TUSC3: variants seen among roughly 807,000 people sequenced by gnomAD.
TUSC3 encodes tumor suppressor candidate 3.
In TUSC3, 45 loss-of-function variants were observed where a neutral mutation model predicts 44.8. The ratio of observed to expected loss-of-function variants is 1.00; its 90% confidence interval spans 0.79 to 1.29. TUSC3 has a LOEUF of 1.29. TUSC3 is among the 50% of genes most tolerant of loss of function. TUSC3 has a pLI of 0.00. For synonymous variants in TUSC3, 212 were observed against 152.9 expected, an observed-to-expected ratio of 1.39 and a Z score of -2.85; for missense variants, 519 against 437.9, an observed-to-expected ratio of 1.19 and a Z score of -1.65.
At position 15,540,480 on chromosome 8, in the gene TUSC3, T is replaced by A. The variant is rs1303195567; in HGVS notation, c.50T>A (p.Leu17Gln). Residue 17 changes from leucine to glutamine, a missense_variant, in exon 1 of 11, where the codon CTG (leucine) becomes CAG (glutamine). Leu to Gln is a moderately radical substitution (Grantham distance 113). Coordinates refer to ENST00000503731, the MANE Select transcript of TUSC3 (RefSeq NM_006765.4). Reference sequence around the variant, plus strand: ...CGCCGTAGGCAAGCGGGGCGGCGGCTGCGGTACCTGCCCACCGGGAGCTTT... The same window carrying A: ...CGCCGTAGGCAAGCGGGGCGGCGGCAGCGGTACCTGCCCACCGGGAGCTTT... ...PSRRRQAGRR[L>Q]RYLPTGSFPF... 1 of 1,607,914 alleles carries A rather than the reference T, an allele frequency of 6.2e-7. No homozygotes were observed.
chr8:15,524,452 C>A (rs976573757), intron 2 of TUSC3, among the ~76,000 whole-genome samples: 4 of 152,086 alleles, frequency 2.6e-5, no homozygotes, highest in African/African-American at 9.7e-5. Flanking sequence ...TAACGTCTTA[C>A]ATTTCCATAA....
At chr8:15,458,724 T>C (rs1800298223) in intron 1 of TUSC3, among the ~76,000 whole-genome samples, 2 of 152,158 alleles carry the variant, frequency 1.3e-5, no homozygotes, top group South Asian at 4.1e-4. Flanking sequence ...TGAACTAATT[T>C]TTCATAGAGT....
At chr8:15,503,410 T>A (rs2410275) in intron 2 of TUSC3, among the ~76,000 whole-genome samples, 127,731 of 152,092 alleles carry the variant, frequency 0.84, 53,823 homozygotes, top group Admixed American at 0.89. Context: ...AACTAATACT[T>A]GACATACTTT....
At chr8:15,830,008 T>A in the TUSC3 span, among the ~76,000 whole-genome samples, 70,511 of 152,026 alleles carry the variant, frequency 0.46, 18,768 homozygotes, top group Non-Finnish European at 0.61. Flanking sequence ...TGAGATGGTG[T>A]CTCACTGTGG....
intron 2 of TUSC3, among the ~76,000 whole-genome samples, chr8:15,638,507 CTTTTTTTCTTTTTTTTTTTTTT>C (rs1393809864): frequency 8.8e-4 from 99 of 112,666 alleles, no homozygotes; most frequent in African/African-American, 3.2e-3. Context: ...CTTTTTTTTT[CTTTTTTTCTTTTTTTTTTTTTT>C]TTTTTTTTTT....
chr8:15,780,213 T>C, the TUSC3 span, among the ~76,000 whole-genome samples: 8 of 152,144 alleles, frequency 5.3e-5, no homozygotes, highest in African/African-American at 1.9e-4. Context: ...ACTGGGCAAC[T>C]AAGAATATCA....
the TUSC3 span, among the ~76,000 whole-genome samples, chr8:15,842,016 C>A: frequency 1.3e-5 from 2 of 152,128 alleles, no homozygotes; most frequent in African/African-American, 4.8e-5. Context: ...TATATAATGG[C>A]AATTTTAGTG....
intron 2 of TUSC3, among the ~76,000 whole-genome samples, chr8:15,504,603 ATATATATATATATATATATTT>A (rs1233434026): frequency 0.012 from 452 of 38,484 alleles, 10 homozygotes; most frequent in African/African-American, 0.055. Context: ...ATATATATAT[ATATATATATATATATATATTT>A]TTTTTTTTTT....
intron 1 of TUSC3, among the ~76,000 whole-genome samples, chr8:15,598,846 A>G (rs368261792): frequency 7.2e-5 from 11 of 151,836 alleles, no homozygotes; most frequent in African/African-American, 2.7e-4. Context: ...CACTTACCAG[A>G]GGATGTCTTG....
chr8:15,508,986 C>T (rs1310475369), intron 2 of TUSC3, among the ~76,000 whole-genome samples: 2 of 151,888 alleles, frequency 1.3e-5, no homozygotes, highest in Non-Finnish European at 2.9e-5. Context: ...GAAGTTGCGC[C>T]TGGTAGAGTT....
At chr8:15,507,971 G>A (rs1801081314) in intron 2 of TUSC3, among the ~76,000 whole-genome samples, 2 of 152,180 alleles carry the variant, frequency 1.3e-5, no homozygotes, top group Non-Finnish European at 2.9e-5. Flanking sequence ...GCCAGATGCA[G>A]TAGCTCAGGC....
rs566267677 is a variant in TUSC3 at position 15,515,633 on chromosome 8, G to A, written n.189+32150G>A. Among the ~76,000 whole-genome samples, 6 of 151,970 alleles carry A rather than the reference G, an allele frequency of 3.9e-5. No homozygotes were observed. The East Asian group carries it at 7.7e-4, about 20-fold the overall frequency. On this transcript the variant is annotated intron_variant and non_coding_transcript_variant, in intron 2 of 5. Transcript: ENST00000503191. Reference sequence around the variant, plus strand: ...TTTTTCTGATGGAAATATTTATACAGTATATTATATGATACAAAATATATA... The same window carrying A: ...TTTTTCTGATGGAAATATTTATACAATATATTATATGATACAAAATATATA...
At chr8:15,545,942 G>C (rs191315319) in intron 1 of TUSC3, among the ~76,000 whole-genome samples, 7 of 151,774 alleles carry the variant, frequency 4.6e-5, no homozygotes, top group Admixed American at 2.6e-4. Context: ...TGGCATATCA[G>C]ACTATAAATT....
the TUSC3 span, among the ~76,000 whole-genome samples, chr8:15,836,546 C>A: frequency 6.6e-6 from 1 of 151,656 alleles, no homozygotes; most frequent in Non-Finnish European, 1.5e-5. Context: ...TCTGTCTTAC[C>A]CTTTTCCACT....
At chr8:15,557,842 G>A (rs1389506734) in intron 1 of TUSC3, among the ~76,000 whole-genome samples, 1 of 124,184 alleles carries the variant, frequency 8.1e-6, no homozygotes, top group African/African-American at 2.9e-5. Context: ...TGTGATTTTT[G>A]TACATTGATT....
the TUSC3 span, among the ~76,000 whole-genome samples, chr8:15,833,826 C>T: frequency 1.5e-5 from 2 of 130,740 alleles, no homozygotes; most frequent in African/African-American, 2.8e-5. Flanking sequence ...GCACATGTAC[C>T]CCTGAACTTA....
At chr8:15,730,485 A>G (rs1810674876) in intron 6 of TUSC3, among the ~76,000 whole-genome samples, 181 bp from the exon 7 acceptor site, 1 of 152,156 alleles carries the variant, frequency 6.6e-6, no homozygotes, top group Non-Finnish European at 1.5e-5. Flanking sequence ...TCATCAACCA[A>G]CATTGTCATC....
At chr8:15,642,679 G>T (rs1806430641) in intron 2 of TUSC3, among the ~76,000 whole-genome samples, 1 of 151,994 alleles carries the variant, frequency 6.6e-6, no homozygotes, top group African/African-American at 2.4e-5. Context: ...TGACTTCTCA[G>T]GTTTTGCAAT....
intron 1 of TUSC3, among the ~76,000 whole-genome samples, chr8:15,584,700 G>A (rs1803522981): frequency 6.6e-6 from 1 of 152,100 alleles, no homozygotes; most frequent in Admixed American, 6.5e-5. Flanking sequence ...TGTGTGTATG[G>A]GTGGGGGTGG....
Sources: gnomAD v4.1 joint callset for allele counts (sites outside exome capture counted in the v4.1 genomes callset) on GRCh38, gnomAD v4.1.1 for gene constraint, MANE v1.5 for transcripts, NCBI Gene and HGNC (gene_info 2026-07-23, HGNC 2026-07-21) for gene names.